Variants in NDUFAF6 observed in about 807,000 individuals in gnomAD.
The protein encoded by NDUFAF6 is NADH dehydrogenase (ubiquinone) complex I, assembly factor 6.
NDUFAF6 carries 45 observed loss-of-function variants against 40.8 expected under a neutral mutation model. That is an observed-to-expected ratio of 1.10 (90% CI 0.87 to 1.42). NDUFAF6 has a LOEUF of 1.42. Ranked by LOEUF, NDUFAF6 falls within the 40% of genes most tolerant of loss-of-function variation. The pLI is 0.00. For missense variants in NDUFAF6, 435 were observed against 418.5 expected (o/e 1.04, Z -0.34); for synonymous variants, 185 against 155.9 (o/e 1.19, Z -1.39).
intron 2 of NDUFAF6, among the ~76,000 whole-genome samples, chr8:95,081,367 G>A (rs1009573586): frequency 6.6e-6 from 1 of 151,594 alleles, no homozygotes; most frequent in Admixed American, 6.6e-5. Context: ...ATGGGGTTTC[G>A]CTATGTTGGC....
chr8:94,940,998 C>G, intron 1 of NDUFAF6: 1 of 1,399,914 alleles, frequency 7.1e-7, no homozygotes, highest in South Asian at 1.2e-5. Context: ...GATTTCAAAA[C>G]CTTGTCTTTA....
intron 1 of NDUFAF6, chr8:94,929,451 T>C (rs1400310142): frequency 2.0e-5 from 3 of 150,012 alleles, no homozygotes; most frequent in African/African-American, 7.3e-5. Context: ...TGAGCCAACC[T>C]GTCACTCTTC....
intron 1 of NDUFAF6, among the ~76,000 whole-genome samples, chr8:94,968,373 G>T (rs1212744358): frequency 6.6e-6 from 1 of 152,190 alleles, no homozygotes; most frequent in African/African-American, 2.4e-5. Flanking sequence ...TGTCAGGGGT[G>T]ATAAGTGCTA....
intron 9 of NDUFAF6, among the ~76,000 whole-genome samples, chr8:95,071,346 C>G (rs1587232008): frequency 6.8e-6 from 1 of 146,996 alleles, no homozygotes. Context: ...TGCAGTGAGC[C>G]GAGATCTCAC....
At chr8:95,027,653 T>A (rs1828327502) in intron 1 of NDUFAF6, among the ~76,000 whole-genome samples, 1 of 151,976 alleles carries the variant, frequency 6.6e-6, no homozygotes, top group Non-Finnish European at 1.5e-5. Flanking sequence ...AGCCTGGTGT[T>A]GTGAGGATTA....
Position 95,058,211 on chromosome 8 carries a change from C to CTG in NDUFAF6, c.*277_*278dup. The stretch of plus-strand genomic sequence containing the variant: ...GCTCCAACAGGGAATATTGGTGTAG[C>CTG]TGTGCATAGGCCATAAGCCACACTT... On this transcript the variant is annotated 3_prime_UTR_variant, in exon 9 of 9. Transcript: ENST00000396124. 1 of 1,412,000 alleles carries CTG rather than the reference C, an allele frequency of 7.1e-7. No individual in the cohort carries two copies. The highest frequency in any genetic ancestry group is 1.4e-5 in the African/African-American group (1 of 69,328). 87.5% of individuals were successfully genotyped at this position (1,412,000 alleles called of 1,614,324 possible). A position where few individuals can be genotyped will look rare whatever the true frequency, so the allele number is the denominator to read the frequency against.
chr8:94,996,382 C>T (rs1826432935), intron 2 of NDUFAF6, among the ~76,000 whole-genome samples: 1 of 152,208 alleles, frequency 6.6e-6, no homozygotes. Context: ...TAACTTATAC[C>T]TGAGTCTCTT....
chr8:95,113,663 A>G (rs952744152), intron 4 of NDUFAF6, among the ~76,000 whole-genome samples: 16 of 152,192 alleles, frequency 1.1e-4, no homozygotes, highest in African/African-American at 3.9e-4. Flanking sequence ...TTTTGTTAGG[A>G]AAGAGCAAAG....
chr8:95,059,668 G>A (rs977156583), downstream of NDUFAF6, among the ~76,000 whole-genome samples: 11 of 152,128 alleles, frequency 7.2e-5, no homozygotes, highest in Non-Finnish European at 1.3e-4. Context: ...GGCCAACATG[G>A]TGAAACCCCA....
upstream of NDUFAF6, chr8:95,100,363 G>T (rs1332863886): frequency 2.0e-5 from 3 of 152,136 alleles, no homozygotes; most frequent in East Asian, 5.8e-4. Context: ...TGTGGTGGAG[G>T]TATGGCTGGA....
In NDUFAF6 at chr8:94,922,929, C is replaced by T. The variant is rs371622317; in HGVS notation, c.-935-22554C>T. 2.0e-4 allele frequency among the ~76,000 whole-genome samples: 30 copies of T among 152,306 alleles called. No individual in the cohort carries two copies. The South Asian group carries it at 5.0e-3, about 25-fold the overall frequency. ...GAATTGCCAAACTGGCACTTGAGCT[C>T]GTACCCCCTCCATGTCTCATGGCCG... is the stretch of plus-strand genomic sequence containing the variant. On this transcript the variant is annotated intron_variant, in intron 1 of 14. Transcript: ENST00000396113.
chr8:95,030,157 C>T (rs1828660979), intron 1 of NDUFAF6, among the ~76,000 whole-genome samples: 3 of 151,820 alleles, frequency 2.0e-5, no homozygotes, highest in African/African-American at 7.3e-5. Flanking sequence ...TCCTTCTCTT[C>T]CTATTTATTA....
At chr8:95,049,432 T>C (rs1003756224) in intron 7 of NDUFAF6, among the ~76,000 whole-genome samples, 6 of 152,232 alleles carry the variant, frequency 3.9e-5, no homozygotes, top group African/African-American at 1.4e-4. Flanking sequence ...TTGTCTGTCA[T>C]TCATCTCCAT....
intron 2 of NDUFAF6, among the ~76,000 whole-genome samples, chr8:95,032,418 A>G (rs1439448935): frequency 6.6e-6 from 1 of 152,206 alleles, no homozygotes; most frequent in African/African-American, 2.4e-5. Flanking sequence ...TATTCTTTCC[A>G]ACAATTGCAT....
At chr8:95,087,218 A>G (rs1809079974) in intron 2 of NDUFAF6, among the ~76,000 whole-genome samples, 1 of 152,206 alleles carries the variant, frequency 6.6e-6, no homozygotes, top group African/African-American at 2.4e-5. Context: ...ATCTGCAAAT[A>G]CAACTTTTCA....
chr8:94,921,313 C>T (rs547877956), intron 1 of NDUFAF6, among the ~76,000 whole-genome samples: 15 of 152,318 alleles, frequency 9.8e-5, no homozygotes, highest in African/African-American at 3.6e-4. Context: ...GTCTCAGCTT[C>T]TCTCGGCAGT....
chr8:95,075,110 A>G (rs1337300782), intron 9 of NDUFAF6, among the ~76,000 whole-genome samples: 1 of 152,206 alleles, frequency 6.6e-6, no homozygotes, highest in Non-Finnish European at 1.5e-5. Flanking sequence ...CAGGGTCACA[A>G]GGATCCCATT....
At chr8:95,031,906 C>A in intron 1 of NDUFAF6, 89 bp from the exon 2 acceptor site, 10 of 1,323,812 alleles carry the variant, frequency 7.6e-6, no homozygotes, top group Non-Finnish European at 9.8e-6. Flanking sequence ...CAACTTGAAG[C>A]CTTTTTGTTT....
intron 7 of NDUFAF6, among the ~76,000 whole-genome samples, chr8:95,050,844 C>T (rs1831347477): frequency 6.6e-6 from 1 of 151,948 alleles, no homozygotes; most frequent in South Asian, 2.1e-4. Context: ...AAGTAGAATC[C>T]CACACGTAAC....
Sources: allele counts gnomAD v4.1 joint callset (sites outside exome capture counted in the v4.1 genomes callset), GRCh38; gene constraint gnomAD v4.1.1; transcripts MANE v1.5; gene names NCBI Gene and HGNC (gene_info 2026-07-23, HGNC 2026-07-21).